Variants in CDH12 observed in about 807,000 individuals in gnomAD.
CDH12 encodes cadherin-12.
A neutral mutation model predicts 74.1 loss-of-function variants in CDH12; 41 were observed. That is an observed-to-expected ratio of 0.55 (90% confidence interval 0.43 to 0.72). The LOEUF (loss-of-function observed/expected upper bound fraction) is 0.72. Among genes scored for constraint, CDH12 ranks in the 30% least tolerant of loss-of-function variants. The pLI is 0.00. For missense variants in CDH12, 945 were observed against 977.2 expected (o/e 0.97, Z 0.44); for synonymous variants, 399 against 355.0 (o/e 1.12, Z -1.39).
chr5:22,233,874 C>T (rs1262760798), intron 3 of CDH12, among the ~76,000 whole-genome samples: 1 of 152,266 alleles, frequency 6.6e-6, no homozygotes, highest in African/African-American at 2.4e-5. Flanking sequence ...CCCACCTTGA[C>T]GTGCCACCCA....
chr5:22,764,871 G>T (rs7704414), intron 1 of CDH12, among the ~76,000 whole-genome samples: 72,410 of 151,726 alleles, frequency 0.48, 17,413 homozygotes, highest in East Asian at 0.56. Context: ...GAAAGTCGGA[G>T]AAATTGTTTC....
chr5:22,340,452 A>G (rs1739794535), intron 3 of CDH12, among the ~76,000 whole-genome samples: 1 of 151,412 alleles, frequency 6.6e-6, no homozygotes, highest in African/African-American at 2.4e-5. Flanking sequence ...GTGTGAACCC[A>G]GGAGCAGAGT....
intron 5 of CDH12, among the ~76,000 whole-genome samples, chr5:22,074,659 AG>A (rs1402262781): frequency 1.3e-5 from 2 of 152,214 alleles, no homozygotes; most frequent in African/African-American, 4.8e-5. Context: ...GGATATGAAC[AG>A]ACACTTCTCA....
chr5:22,608,133 G>T (rs1210014168), intron 1 of CDH12, among the ~76,000 whole-genome samples: 2 of 152,172 alleles, frequency 1.3e-5, no homozygotes, highest in Non-Finnish European at 2.9e-5. Flanking sequence ...TGCACCATGT[G>T]CCTGTAAAAG....
chr5:22,369,823 G>A (rs1420187385), intron 3 of CDH12, among the ~76,000 whole-genome samples: 2 of 152,114 alleles, frequency 1.3e-5, no homozygotes, highest in Non-Finnish European at 2.9e-5. Context: ...ATCATTCATA[G>A]TGACTGTCAG....
In CDH12 at chr5:22,745,851, G is replaced by A. The variant is rs138499790; in HGVS notation, c.-523+107207C>T. On this transcript the variant is annotated intron_variant, in intron 1 of 14. Transcript: ENST00000382254. The stretch of plus-strand genomic sequence containing the variant: ...CCTGGGTGATAAATTAATCTGTACA[G>A]CAAACCACCATGACACATGTTTATC... Among the ~76,000 whole-genome samples, 440 of 152,176 alleles carry A rather than the reference G, an allele frequency of 2.9e-3. 4 individuals are homozygous for A. Among genetic ancestry groups the A allele is most frequent in the African/African-American group, 1.0e-2 (413 of 41,498 alleles).
At chr5:22,645,478 T>TTGTG (rs1739391188) in intron 1 of CDH12, among the ~76,000 whole-genome samples, 1 of 151,944 alleles carries the variant, frequency 6.6e-6, no homozygotes, top group Admixed American at 6.6e-5. Context: ...GATTAGCAAA[T>TTGTG]AAAATGGTTT....
At chr5:22,823,663 G>T (rs1353723290) in intron 1 of CDH12, among the ~76,000 whole-genome samples, 1 of 152,094 alleles carries the variant, frequency 6.6e-6, no homozygotes, top group East Asian at 1.9e-4. Context: ...TTGAGAAAGG[G>T]ACCTGGCAGG....
At chr5:22,225,080 T>C (rs1752148558) in intron 3 of CDH12, among the ~76,000 whole-genome samples, 1 of 152,018 alleles carries the variant, frequency 6.6e-6, no homozygotes, top group African/African-American at 2.4e-5. Context: ...ATATATCTCA[T>C]AGCTTTTCCA....
chr5:22,159,916 C>G (rs762622205), intron 4 of CDH12, among the ~76,000 whole-genome samples: 4 of 151,948 alleles, frequency 2.6e-5, no homozygotes, highest in African/African-American at 9.7e-5. Context: ...TGTCTGTGTG[C>G]GTGTGTGCGT....
intron 5 of CDH12, among the ~76,000 whole-genome samples, chr5:22,040,726 A>G (rs1739519003): frequency 6.6e-6 from 1 of 152,156 alleles, no homozygotes; most frequent in Admixed American, 6.5e-5. Context: ...TTCAGAAGTA[A>G]AAGATAAAAT....
intron 1 of CDH12, among the ~76,000 whole-genome samples, chr5:22,759,556 GTTA>G (rs1277971892): frequency 6.6e-6 from 1 of 152,096 alleles, no homozygotes. Flanking sequence ...TCAATCCACA[GTTA>G]TTATACCATT....
intron 1 of CDH12, among the ~76,000 whole-genome samples, chr5:22,732,205 G>T (rs1034116916): frequency 6.6e-6 from 1 of 151,764 alleles, no homozygotes; most frequent in Non-Finnish European, 1.5e-5. Context: ...GCTTATAGCT[G>T]CCAGTTTTCT....
intron 3 of CDH12, among the ~76,000 whole-genome samples, chr5:22,328,270 A>T (rs932373563): frequency 5.9e-5 from 9 of 152,234 alleles, no homozygotes; most frequent in African/African-American, 2.2e-4. Flanking sequence ...ATACATAGTT[A>T]CTAGTTATTG....
chr5:22,311,433 G>A (rs903785991), intron 3 of CDH12, among the ~76,000 whole-genome samples: 5 of 152,058 alleles, frequency 3.3e-5, no homozygotes, highest in Non-Finnish European at 7.4e-5. Flanking sequence ...GGCCGGGCGC[G>A]GTGGCTCACA....
intron 1 of CDH12, chr5:22,639,047 C>T (rs1337027287): frequency 5.3e-5 from 4 of 75,590 alleles, no homozygotes; most frequent in Non-Finnish European, 6.9e-5. Flanking sequence ...TGAGAGTCCG[C>T]CTCAAAAAAA....
At position 21,777,672 on chromosome 5, in the gene CDH12, G is replaced by A. The variant is rs1253898504; in HGVS notation, c.1393+5686C>T. ...TATTCAGCTAATTTTTGTGTTTTTAGTAGAGACAAGATTTCACCATGTTGG... is the reference window on the plus strand; with the variant it reads ...TATTCAGCTAATTTTTGTGTTTTTAATAGAGACAAGATTTCACCATGTTGG... On this transcript the variant is annotated intron_variant, in intron 11 of 14. Transcript: ENST00000382254. Among the ~76,000 whole-genome samples the A allele has an allele frequency of 3.9e-5, 6 of 152,016 alleles. No individual in the cohort carries two copies. In the East Asian group the frequency reaches 1.2e-3, roughly 29 times the overall value.
At chr5:22,321,359 T>C (rs1056830275) in intron 3 of CDH12, among the ~76,000 whole-genome samples, 3 of 146,688 alleles carry the variant, frequency 2.0e-5, no homozygotes, top group Non-Finnish European at 4.5e-5. Flanking sequence ...ATGGATGAAA[T>C]TGGAAATCAT....
rs1751382271 is a variant in CDH12 at position 22,208,992 on chromosome 5, T to C, written c.-187+3506A>G. Among the ~76,000 whole-genome samples the C allele has an allele frequency of 2.6e-5, 4 of 152,348 alleles. No homozygotes were observed. In the South Asian group the frequency reaches 8.3e-4, roughly 32 times the overall value. On this transcript the variant is annotated intron_variant, in intron 4 of 14. Transcript: ENST00000382254. Reference sequence around the variant, plus strand: ...GGTTGGTTGTTGGAGATTATACACATATATGCCTTGATCATATTTGTAGTC... The same window carrying C: ...GGTTGGTTGTTGGAGATTATACACACATATGCCTTGATCATATTTGTAGTC...
Sources: gnomAD v4.1 joint callset for allele counts (sites outside exome capture counted in the v4.1 genomes callset) on GRCh38, gnomAD v4.1.1 for gene constraint, MANE v1.5 for transcripts, NCBI Gene and HGNC (gene_info 2026-07-23, HGNC 2026-07-21) for gene names.